The following CHSY1 variants were observed in gnomAD, a reference collection of about 807,000 sequenced individuals.
CHSY1 encodes chondroitin sulfate synthase 1.
CHSY1 carries 13 observed loss-of-function variants against 59.8 expected under a neutral mutation model. That is an observed-to-expected ratio of 0.22 (90% CI 0.14 to 0.35). CHSY1 has a LOEUF of 0.35. CHSY1 is among the 10% of genes least tolerant of loss of function. CHSY1 has a pLI of 1.00. For missense variants in CHSY1, 947 were observed against 1,030.6 expected, an observed-to-expected ratio of 0.92 and a Z score of 1.11; for synonymous variants, 459 against 401.2, an observed-to-expected ratio of 1.14 and a Z score of -1.72.
intron 2 of CHSY1, among the ~76,000 whole-genome samples, chr15:101,193,371 G>C (rs945766085): frequency 1.3e-5 from 2 of 152,250 alleles, no homozygotes; most frequent in African/African-American, 4.8e-5. Context: ...ACAGCAGTGA[G>C]GGGGCCAGGG....
chr15:101,244,028 G>C (rs1259186756), intron 1 of CHSY1, among the ~76,000 whole-genome samples: 1 of 152,182 alleles, frequency 6.6e-6, no homozygotes, highest in East Asian at 1.9e-4. Context: ...CATCAGAGCA[G>C]ACTGGACCTT....
At position 101,251,165 on chromosome 15, in the gene CHSY1, G is replaced by C; in HGVS notation, c.292C>G (p.Leu98Val). The C allele has an allele frequency of 6.3e-7, 1 of 1,596,804 alleles. No homozygotes were observed. The highest frequency in any genetic ancestry group is 8.5e-7 in the Non-Finnish European group (1 of 1,175,118). ...TAGGCGGCCACGGCCCGAGTCTGCAGGTATTTCTGGGCGGTCATGACTCCC... is the reference window on the plus strand; with the variant it reads ...TAGGCGGCCACGGCCCGAGTCTGCACGTATTTCTGGGCGGTCATGACTCCC... ...FVGVMTAQKY[L>V]QTRAVAAYRT... The change falls in exon 1 of 3, where the codon CTG (leucine) becomes GTG (valine). Residue 98 changes from leucine to valine, a missense_variant. Leu to Val is a conservative substitution (Grantham distance 32). This residue lies in a region of CHSY1 where 232 missense variants were observed against 188.5 expected (regional missense o/e 1.23). Transcript: ENST00000254190.
intron 2 of CHSY1, among the ~76,000 whole-genome samples, chr15:101,234,112 A>G (rs1187105138): frequency 6.6e-6 from 1 of 152,236 alleles, no homozygotes; most frequent in Non-Finnish European, 1.5e-5. Context: ...AAGCCAGTCC[A>G]TCTTCTCTAC....
intron 2 of CHSY1, among the ~76,000 whole-genome samples, chr15:101,221,578 C>T (rs542641947): frequency 3.2e-4 from 48 of 152,138 alleles, no homozygotes; most frequent in African/African-American, 1.1e-3. Flanking sequence ...AATAAAGTAA[C>T]CAGAATTCTA....
intron 2 of CHSY1, among the ~76,000 whole-genome samples, chr15:101,209,167 A>T (rs2038658381): frequency 6.6e-6 from 1 of 152,224 alleles, no homozygotes; most frequent in Non-Finnish European, 1.5e-5. Context: ...CAAAGTTAAT[A>T]CTACCAATAA....
At chr15:101,189,259 G>A (rs367591326) in intron 2 of CHSY1, among the ~76,000 whole-genome samples, 15 of 152,362 alleles carry the variant, frequency 9.8e-5, no homozygotes, top group East Asian at 7.7e-4. Flanking sequence ...TGGCCCTCTG[G>A]CCTCCACGCC....
At chr15:101,240,713 T>A (rs2038992741) in intron 1 of CHSY1, among the ~76,000 whole-genome samples, 1 of 152,230 alleles carries the variant, frequency 6.6e-6, no homozygotes, top group African/African-American at 2.4e-5. Context: ...GAGGTTGCGA[T>A]TTTTTTGTGT....
intron 2 of CHSY1, among the ~76,000 whole-genome samples, chr15:101,179,978 G>T (rs1336207927): frequency 1.3e-5 from 2 of 152,214 alleles, no homozygotes; most frequent in South Asian, 2.1e-4. Flanking sequence ...TTTGAGGTTG[G>T]TATCTGGTAA....
intron 2 of CHSY1, among the ~76,000 whole-genome samples, chr15:101,233,624 TC>T (rs2038912439): frequency 6.6e-6 from 1 of 152,138 alleles, no homozygotes; most frequent in African/African-American, 2.4e-5. Context: ...CAGTGAGCTG[TC>T]CCCTATGTGC....
In CHSY1 at chr15:101,177,433, AC is replaced by A; in HGVS notation, c.2363del (p.Ser788IlefsTer12). The A allele has an allele frequency of 6.2e-7, 1 of 1,613,590 alleles. No homozygotes were observed. Among genetic ancestry groups the A allele is most frequent in the Non-Finnish European group, 8.5e-7 (1 of 1,179,854 alleles). On this transcript the variant is annotated frameshift_variant, in exon 3 of 3. Transcript: ENST00000254190. LOFTEE classifies it high-confidence loss of function. ...CATTATTATTGCTGCTTTTACTGTA[AC>A]TTGGATCATTTTTTTCCAGCCACAT... is the stretch of plus-strand genomic sequence containing the variant. ...AEMWLEKNDP[S>X]YSKSSNNNGS...
rs1567336025 is a variant in CHSY1, at chr15:101,178,135, A to C, written c.1662T>G (p.Phe554Leu). The change falls in exon 3 of 3, where the codon TTT (phenylalanine) becomes TTG (leucine). Residue 554 changes from phenylalanine to leucine, a missense_variant. Physicochemically the swap from Phe to Leu is conservative, Grantham distance 22. Transcript: ENST00000254190. ...FDMFVRFMGN[F>L]EKTCLIPNQN... Reference sequence around the variant, plus strand: ...GATTGGGGATAAGACACGTCTTCTCAAAGTTTCCCATAAATCTCACAAACA... The same window carrying C: ...GATTGGGGATAAGACACGTCTTCTCCAAGTTTCCCATAAATCTCACAAACA... The C allele has an allele frequency of 6.2e-7, 1 of 1,614,080 alleles. No individual in the cohort carries two copies. The highest frequency in any genetic ancestry group is 1.3e-5 in the African/African-American group (1 of 74,938).
intron 2 of CHSY1, among the ~76,000 whole-genome samples, chr15:101,194,320 G>C (rs2038481874): frequency 6.6e-6 from 1 of 152,206 alleles, no homozygotes; most frequent in Non-Finnish European, 1.5e-5. Flanking sequence ...CTACTCCTCT[G>C]CTTCTTTCTT....
At chr15:101,214,155 G>A (rs2038709227) in intron 2 of CHSY1, among the ~76,000 whole-genome samples, 1 of 152,204 alleles carries the variant, frequency 6.6e-6, no homozygotes, top group Non-Finnish European at 1.5e-5. Flanking sequence ...AGACATCAGG[G>A]TGTGTATGTG....
intron 2 of CHSY1, among the ~76,000 whole-genome samples, chr15:101,227,813 C>G (rs2038855495): frequency 6.6e-6 from 1 of 152,152 alleles, no homozygotes; most frequent in Non-Finnish European, 1.5e-5. Flanking sequence ...CAGTCATTAG[C>G]TAAGCACTAA....
At chr15:101,237,298 C>T (rs895730887) in intron 1 of CHSY1, among the ~76,000 whole-genome samples, 1 of 150,628 alleles carries the variant, frequency 6.6e-6, no homozygotes, top group East Asian at 1.9e-4. Context: ...ATGCAGGCCT[C>T]TATGTTGCAA....
intron 2 of CHSY1, among the ~76,000 whole-genome samples, chr15:101,188,762 A>G (rs145976272): frequency 8.5e-4 from 130 of 152,340 alleles, no homozygotes; most frequent in African/African-American, 2.8e-3. Flanking sequence ...GCATAAGACT[A>G]TAAGTAAAGC....
At chr15:101,212,287 C>G (rs1298191818) in intron 2 of CHSY1, among the ~76,000 whole-genome samples, 2 of 152,098 alleles carry the variant, frequency 1.3e-5, no homozygotes, top group Non-Finnish European at 2.9e-5. Flanking sequence ...ATATACCTAT[C>G]CTCTGACCGA....
At chr15:101,250,476 T>G (rs1220147098) in intron 1 of CHSY1, among the ~76,000 whole-genome samples, 1 of 152,232 alleles carries the variant, frequency 6.6e-6, no homozygotes, top group African/African-American at 2.4e-5. Context: ...GCCCAGTTAC[T>G]GGATAACATG....
intron 2 of CHSY1, among the ~76,000 whole-genome samples, chr15:101,198,127 G>C (rs527879019): frequency 6.6e-6 from 1 of 152,178 alleles, no homozygotes; most frequent in African/African-American, 2.4e-5. Flanking sequence ...AGCAGAGTGT[G>C]AGTGAGAGAC....
Sources: gnomAD v4.1 joint callset for allele counts (sites outside exome capture counted in the v4.1 genomes callset) on GRCh38, gnomAD v4.1.1 for gene constraint, gnomAD v4.1.1 regional missense constraint, MANE v1.5 for transcripts, NCBI Gene and HGNC (gene_info 2026-07-23, HGNC 2026-07-21) for gene names.